Variants in NCOA1 observed in about 807,000 individuals in gnomAD.
NCOA1 encodes Hin-2 protein.
Under a neutral mutation model 150.9 loss-of-function variants are expected in NCOA1, and 35 were observed. The ratio of observed to expected loss-of-function variants is 0.23; its 90% CI spans 0.18 to 0.31. NCOA1 has a LOEUF of 0.31. Among genes scored for constraint, NCOA1 ranks in the 10% least tolerant of loss-of-function variants. The pLI is 1.00. For missense variants in NCOA1, 1,491 were observed against 1,749.3 expected, an observed-to-expected ratio of 0.85 and a Z score of 2.63; for synonymous variants, 590 against 630.0, an observed-to-expected ratio of 0.94 and a Z score of 0.95.
chr2:24,718,927 G>T (rs981558004), intron 14 of NCOA1, among the ~76,000 whole-genome samples: 4 of 148,812 alleles, frequency 2.7e-5, no homozygotes, highest in African/African-American at 7.4e-5. Context: ...TTCTAGGGAG[G>T]CTGAGGCACG....
intron 21 of NCOA1, among the ~76,000 whole-genome samples, 162 bp from the exon 22 acceptor site, chr2:24,762,525 G>A (rs1203448264): frequency 6.6e-6 from 1 of 152,206 alleles, no homozygotes; most frequent in Non-Finnish European, 1.5e-5. Context: ...CCCACAAGGG[G>A]AATGACTATC....
intron 4 of NCOA1, among the ~76,000 whole-genome samples, chr2:24,647,205 G>A (rs1265864824): frequency 6.6e-6 from 1 of 152,064 alleles, no homozygotes. Flanking sequence ...TGATGTGGAG[G>A]CCAAAGCAAA....
chr2:24,624,444 C>T (rs538343455), intron 3 of NCOA1, among the ~76,000 whole-genome samples: 2 of 152,274 alleles, frequency 1.3e-5, no homozygotes, highest in African/African-American at 4.8e-5. Flanking sequence ...AGAAAGTAGA[C>T]AGATTACATT....
chr2:24,725,292 G>A (rs1674559593), intron 14 of NCOA1, among the ~76,000 whole-genome samples: 1 of 152,096 alleles, frequency 6.6e-6, no homozygotes, highest in African/African-American at 2.4e-5. Context: ...CACTGACTAG[G>A]TGGCTTAAAC....
At chr2:24,614,183 T>C (rs113253944) in intron 3 of NCOA1, among the ~76,000 whole-genome samples, 61 of 144,878 alleles carry the variant, frequency 4.2e-4, no homozygotes, top group African/African-American at 1.5e-3. Context: ...GCCTATTGTA[T>C]CGATTCATTT....
At chr2:24,539,689 A>C (rs1665310100) in intron 1 of NCOA1, among the ~76,000 whole-genome samples, 1 of 152,138 alleles carries the variant, frequency 6.6e-6, no homozygotes, top group Non-Finnish European at 1.5e-5. Context: ...GTAATAGAAA[A>C]ATTTGAATGT....
At chr2:24,713,302 C>T (rs1269262585) in intron 14 of NCOA1, among the ~76,000 whole-genome samples, 1 of 150,948 alleles carries the variant, frequency 6.6e-6, no homozygotes, top group African/African-American at 2.4e-5. Flanking sequence ...ATTACACAAA[C>T]AAGGGTGGGA....
intron 8 of NCOA1, among the ~76,000 whole-genome samples, chr2:24,686,759 T>G (rs1672422838): frequency 6.6e-6 from 1 of 152,196 alleles, no homozygotes; most frequent in Non-Finnish European, 1.5e-5. Context: ...TCTTGTGAAA[T>G]CAGGGTATCT....
At chr2:24,635,426 A>G (rs983305212) in intron 3 of NCOA1, among the ~76,000 whole-genome samples, 1 of 152,144 alleles carries the variant, frequency 6.6e-6, no homozygotes, top group Non-Finnish European at 1.5e-5. Context: ...GTAGGAATCC[A>G]TCTGGCTTCA....
intron 2 of NCOA1, among the ~76,000 whole-genome samples, chr2:24,568,736 G>A (rs543596343): frequency 1.2e-3 from 189 of 152,292 alleles, no homozygotes; most frequent in Non-Finnish European, 1.8e-3. Context: ...TGCTTGCAGA[G>A]AAAGTAAAAT....
intron 1 of NCOA1, among the ~76,000 whole-genome samples, chr2:24,558,883 G>A (rs898078936): frequency 3.3e-5 from 5 of 152,192 alleles, no homozygotes; most frequent in Admixed American, 6.5e-5. Context: ...GCTTGATCTC[G>A]TTGGATCCTG....
chr2:24,541,648 G>T (rs1665402299), intron 1 of NCOA1, among the ~76,000 whole-genome samples: 1 of 152,050 alleles, frequency 6.6e-6, no homozygotes. Context: ...ATCTGAAAAA[G>T]ATTTTTTGAC....
At chr2:24,618,717 C>G (rs530566758) in intron 3 of NCOA1, among the ~76,000 whole-genome samples, 2 of 152,222 alleles carry the variant, frequency 1.3e-5, no homozygotes, top group South Asian at 2.1e-4. Flanking sequence ...TATGTTCCCC[C>G]CTCCTGTATT....
intron 20 of NCOA1, among the ~76,000 whole-genome samples, chr2:24,752,548 C>T (rs1389098750): frequency 6.6e-6 from 1 of 152,160 alleles, no homozygotes; most frequent in Non-Finnish European, 1.5e-5. Flanking sequence ...ATCTAGGTCC[C>T]CAACCTTTCC....
rs577132185 is a variant in NCOA1, at chr2:24,525,706, C to G, written c.-396+34104C>G. On this transcript the variant is annotated intron_variant, in intron 1 of 22. Transcript: ENST00000348332. ...GGATTATAGGCATGCGTCACCATGC[C>G]TGGCTAATTTTTTTGTATTTTTAGT... Among the ~76,000 whole-genome samples, 584 of 152,068 alleles carry G rather than the reference C, an allele frequency of 3.8e-3. 3 individuals are homozygous for G. The highest frequency in any genetic ancestry group is 0.013 in the African/African-American group (546 of 41,470).
At chr2:24,748,350 G>A (rs1415737867) in intron 19 of NCOA1, among the ~76,000 whole-genome samples, 3 of 152,092 alleles carry the variant, frequency 2.0e-5, no homozygotes, top group Admixed American at 6.5e-5. Flanking sequence ...GGTGGCTCAC[G>A]CCTGTAATCC....
chr2:24,521,655 T>C (rs1664421429), intron 1 of NCOA1, among the ~76,000 whole-genome samples: 1 of 152,204 alleles, frequency 6.6e-6, no homozygotes. Flanking sequence ...AGGTTGTTTT[T>C]ATATTTTGGC....
Position 24,729,578 on chromosome 2 carries a change from C to T in NCOA1, c.2964C>T (p.Pro988=), listed in dbSNP as rs766944998. ...ATPPLIMEER[P]NLYSQPYSSP... is the part of the protein sequence containing the mutation. ...CACCTTTGATCATGGAAGAAAGACC[C>T]AACCTTTATTCCCAGCCTTACTCTT... is the stretch of plus-strand genomic sequence containing the variant. The change falls in exon 17 of 23, where the codon CCC becomes CCT. Residue 988 remains proline (P), a synonymous_variant. Transcript: ENST00000348332. 6.2e-7 allele frequency: 1 copy of T among 1,614,080 alleles called. No homozygotes were observed. Among genetic ancestry groups the T allele is most frequent in the Admixed American group, 1.7e-5 (1 of 60,028 alleles).
intron 2 of NCOA1, among the ~76,000 whole-genome samples, chr2:24,565,184 A>T (rs937477740): frequency 1.3e-5 from 2 of 152,246 alleles, no homozygotes; most frequent in African/African-American, 4.8e-5. Flanking sequence ...AGACAAATAA[A>T]ACAAAAAAGA....
Sources: allele counts gnomAD v4.1 joint callset (sites outside exome capture counted in the v4.1 genomes callset), GRCh38; gene constraint gnomAD v4.1.1; transcripts MANE v1.5; gene names NCBI Gene and HGNC (gene_info 2026-07-23, HGNC 2026-07-21).